Variants in TOMM7 observed in about 807,000 individuals in gnomAD.
TOMM7 encodes the protein mitochondrial import receptor subunit TOM7 homolog.
TOMM7 carries 8 observed loss-of-function variants against 9.5 expected under a neutral mutation model. The ratio of observed to expected loss-of-function variants is 0.84; its 90% confidence interval spans 0.49 to 1.51. The LOEUF (loss-of-function observed/expected upper bound fraction) is 1.51. Among genes scored for constraint, TOMM7 ranks in the 40% most tolerant of loss-of-function variants. TOMM7 has a pLI of 0.00. For missense variants in TOMM7, 74 were observed against 63.7 expected, an observed-to-expected ratio of 1.16 and a Z score of -0.55; for synonymous variants, 27 against 21.4, an observed-to-expected ratio of 1.26 and a Z score of -0.72.
At chr7:22,815,607 C>T (rs1160654734) in intron 2 of TOMM7, among the ~76,000 whole-genome samples, 2 of 152,132 alleles carry the variant, frequency 1.3e-5, no homozygotes, top group African/African-American at 2.4e-5. Context: ...TAATTCAATG[C>T]TTGTTGAGCA....
chr7:22,815,224 G>A (rs2128182027), intron 2 of TOMM7, among the ~76,000 whole-genome samples: 1 of 152,284 alleles, frequency 6.6e-6, no homozygotes, highest in South Asian at 2.1e-4. Context: ...TCTAGTCGCT[G>A]AAGGTTCAAA....
chr7:22,813,660 TGG>T (rs1298443127), intron 2 of TOMM7, among the ~76,000 whole-genome samples: 2 of 151,768 alleles, frequency 1.3e-5, no homozygotes, highest in Non-Finnish European at 2.9e-5. Context: ...ATCATTTAAG[TGG>T]GTAGAGTGCG....
chr7:22,819,866 T>C (rs1024090057), intron 1 of TOMM7, among the ~76,000 whole-genome samples: 3 of 152,210 alleles, frequency 2.0e-5, no homozygotes, highest in African/African-American at 7.2e-5. Context: ...AGCGGCTCAT[T>C]AAAACCTTTT....
Position 22,822,811 on chromosome 7 carries a change from T to G in TOMM7, c.-32A>C. ...GGCCGTGTGGCGCAGGGAGGACCCCTTACAGCAACCACAGCGTCGGGAATC... is the reference window on the plus strand; with the variant it reads ...GGCCGTGTGGCGCAGGGAGGACCCCGTACAGCAACCACAGCGTCGGGAATC... On this transcript the variant is annotated 5_prime_UTR_variant, in exon 1 of 3. Transcript: ENST00000358435. 6.4e-6 allele frequency: 10 copies of G among 1,564,580 alleles called. No individual in the cohort carries two copies. Among genetic ancestry groups the G allele is most frequent in the Non-Finnish European group, 8.8e-6 (10 of 1,135,266 alleles).
At chr7:22,822,017 A>C in intron 1 of TOMM7, 1 of 1,099,918 alleles carries the variant, frequency 9.1e-7, no homozygotes, top group South Asian at 1.9e-5. Context: ...AAAACCAAAA[A>C]AACCCCAAAT....
chr7:22,814,647 T>C (rs1020372249), intron 2 of TOMM7, among the ~76,000 whole-genome samples: 1 of 152,182 alleles, frequency 6.6e-6, no homozygotes, highest in Non-Finnish European at 1.5e-5. Flanking sequence ...TTTGCCTAAA[T>C]GTTTTACAAA....
At chr7:22,814,444 A>C (rs1331247733) in intron 2 of TOMM7, among the ~76,000 whole-genome samples, 14 of 151,456 alleles carry the variant, frequency 9.2e-5, no homozygotes, top group Admixed American at 9.2e-4. Context: ...ACCTGAGCTC[A>C]GGAGGTCAAG....
intron 1 of TOMM7, among the ~76,000 whole-genome samples, chr7:22,818,975 T>C (rs905719369): frequency 3.3e-5 from 5 of 151,746 alleles, no homozygotes; most frequent in Non-Finnish European, 7.4e-5. Context: ...AAACCTCTCC[T>C]TTTATAAAAC....
chr7:22,815,934 AAGC>A (rs1782311584), intron 2 of TOMM7, among the ~76,000 whole-genome samples: 1 of 152,200 alleles, frequency 6.6e-6, no homozygotes, highest in Non-Finnish European at 1.5e-5. Context: ...GCTTTTCTAG[AAGC>A]AGATTTCCAT....
intron 2 of TOMM7, among the ~76,000 whole-genome samples, chr7:22,813,922 AT>A (rs1446670369): frequency 1.4e-5 from 2 of 147,958 alleles, no homozygotes; most frequent in African/African-American, 5.1e-5. Context: ...TGTAAAGTTT[AT>A]TTTTAAAAAA....
At position 22,822,208 on chromosome 7, in the gene TOMM7, G is replaced by T. The variant is rs111488762; in HGVS notation, c.103+469C>A. The T allele has an allele frequency of 6.7e-5, 104 of 1,550,972 alleles. 1 individual carries two copies. The South Asian group carries it at 1.2e-3, about 18-fold the overall frequency. ...TCCAAACCCTTCATCGTACAGGTAAGAAAGCAGAGGCATCCAACGACTATT... is the reference window on the plus strand; with the variant it reads ...TCCAAACCCTTCATCGTACAGGTAATAAAGCAGAGGCATCCAACGACTATT... On this transcript the variant is annotated intron_variant, in intron 1 of 2. Coordinates refer to ENST00000358435, the MANE Select transcript of TOMM7 (RefSeq NM_019059.5).
At chr7:22,818,349 A>G (rs1288657548) in intron 1 of TOMM7, 1 of 211,840 alleles carries the variant, frequency 4.7e-6, no homozygotes, top group Non-Finnish European at 9.6e-6. Context: ...GCTCACTGCA[A>G]CCTCTGTCAC....
chr7:22,813,103 G>C lies in TOMM7; in HGVS notation c.*67C>G, dbSNP rs766068357. 2.5e-5 allele frequency: 39 copies of C among 1,561,692 alleles called. 1 individual carries two copies. Among genetic ancestry groups the C allele is most frequent in the Non-Finnish European group, 3.2e-5 (36 of 1,132,860 alleles). On this transcript the variant is annotated 3_prime_UTR_variant, in exon 3 of 3. Transcript: ENST00000358435. ...CTGAATGATGTCCCATCTCTTATCC[G>C]AGCCAGAGCACACATCTTCCATGCT... is the stretch of plus-strand genomic sequence containing the variant.
At chr7:22,813,643 G>A (rs1346081992) in intron 2 of TOMM7, among the ~76,000 whole-genome samples, 1 of 151,862 alleles carries the variant, frequency 6.6e-6, no homozygotes, top group African/African-American at 2.4e-5. Flanking sequence ...CTCTGAGATA[G>A]TTATATATCA....
At chr7:22,818,263 A>G (rs1434047344) in intron 1 of TOMM7, 3 of 476,896 alleles carry the variant, frequency 6.3e-6, no homozygotes, top group Non-Finnish European at 7.7e-6. Context: ...TAGGAAGAAC[A>G]AGCTATCTTA....
At chr7:22,815,877 G>A (rs1056265139) in intron 2 of TOMM7, among the ~76,000 whole-genome samples, 2 of 152,090 alleles carry the variant, frequency 1.3e-5, no homozygotes, top group Admixed American at 6.6e-5. Context: ...TTTTAGCTAG[G>A]AGGAAAGAAG....
At position 22,822,293 on chromosome 7, in the gene TOMM7, G is replaced by A. The variant is rs894830190; in HGVS notation, c.103+384C>T. On this transcript the variant is annotated intron_variant, in intron 1 of 2. Transcript: ENST00000358435. ...ACGAGGTGTCTCGATTCCCTGAACA[G>A]GACTCTTTCCACTTAGGACCACATG... 6 of 1,546,490 alleles carry A rather than the reference G, an allele frequency of 3.9e-6. No homozygotes were observed. The African/African-American group carries it at 5.5e-5, about 14-fold the overall frequency.
At chr7:22,816,445 A>C (rs1308711887) in intron 2 of TOMM7, among the ~76,000 whole-genome samples, 1 of 152,248 alleles carries the variant, frequency 6.6e-6, no homozygotes, top group Non-Finnish European at 1.5e-5. Flanking sequence ...CTCAATCGCT[A>C]TTTTACAGAA....
At chr7:22,821,014 G>C (rs556351039) in intron 1 of TOMM7, among the ~76,000 whole-genome samples, 1 of 152,268 alleles carries the variant, frequency 6.6e-6, no homozygotes, top group Admixed American at 6.5e-5. Context: ...ATGTGAAACT[G>C]AGTTTTACAA....
Sources: gnomAD v4.1 joint callset for allele counts (sites outside exome capture counted in the v4.1 genomes callset) on GRCh38, gnomAD v4.1.1 for gene constraint, MANE v1.5 for transcripts, NCBI Gene and HGNC (gene_info 2026-07-23, HGNC 2026-07-21) for gene names.